Variants in MED27 observed in about 807,000 individuals in gnomAD.
The protein encoded by MED27 is mediator of RNA polymerase II transcription subunit 27.
Under a neutral mutation model 38.2 loss-of-function variants are expected in MED27, and 30 were observed. The observed-to-expected ratio is 0.79, with a 90% confidence interval of 0.59 to 1.07. The LOEUF is 1.07. Among genes scored for constraint, MED27 ranks in the 50% least tolerant of loss-of-function variants. The pLI is 0.00. For missense variants in MED27, 289 were observed against 397.5 expected, an observed-to-expected ratio of 0.73 and a Z score of 2.32; for synonymous variants, 122 against 153.5, an observed-to-expected ratio of 0.79 and a Z score of 1.52.
At chr9:131,909,847 CTTT>C in intron 4 of MED27, among the ~76,000 whole-genome samples, 1 of 152,256 alleles carries the variant, frequency 6.6e-6, no homozygotes, top group African/African-American at 2.4e-5. Flanking sequence ...ATACTGAAAA[CTTT>C]TTTATTTTGC....
At chr9:131,974,974 G>A (rs899045535) in intron 3 of MED27, among the ~76,000 whole-genome samples, 3 of 152,032 alleles carry the variant, frequency 2.0e-5, no homozygotes, top group Non-Finnish European at 2.9e-5. Context: ...GTGGGTGTTC[G>A]ATGGAACCTA....
chr9:131,941,817 ATTT>A (rs766438800), intron 3 of MED27, among the ~76,000 whole-genome samples: 18 of 82,508 alleles, frequency 2.2e-4, no homozygotes, highest in East Asian at 9.1e-4. Context: ...ATTCTGCTGA[ATTT>A]TTTTTTTTTT....
chr9:132,047,700 T>C (rs1427877050), intron 2 of MED27, among the ~76,000 whole-genome samples: 2 of 152,144 alleles, frequency 1.3e-5, no homozygotes, highest in Non-Finnish European at 2.9e-5. Context: ...TATGAGAAAT[T>C]ATAGTGCATG....
intron 3 of MED27, among the ~76,000 whole-genome samples, chr9:131,967,573 C>T (rs975698973): frequency 8.6e-5 from 13 of 151,644 alleles, no homozygotes; most frequent in Admixed American, 2.0e-4. Flanking sequence ...CTCACTGCAA[C>T]CTCGGCCTCC....
chr9:132,066,790 G>A (rs964342218), intron 2 of MED27, among the ~76,000 whole-genome samples: 26 of 152,212 alleles, frequency 1.7e-4, no homozygotes, highest in African/African-American at 5.1e-4. Context: ...CTGAGCCAGC[G>A]CAGAGGATCC....
intron 2 of MED27, among the ~76,000 whole-genome samples, chr9:132,048,166 C>T (rs1184576412): frequency 1.3e-5 from 2 of 152,096 alleles, no homozygotes; most frequent in Non-Finnish European, 2.9e-5. Flanking sequence ...ATTAACCATC[C>T]CCTACAAAAT....
intron 3 of MED27, among the ~76,000 whole-genome samples, chr9:131,995,341 G>A (rs917219021): frequency 9.9e-5 from 15 of 151,844 alleles, no homozygotes; most frequent in Non-Finnish European, 1.8e-4. Flanking sequence ...TGGCCACAGT[G>A]ACAGAAACGG....
chr9:131,919,642 C>G (rs946040077), intron 4 of MED27, among the ~76,000 whole-genome samples: 1 of 151,946 alleles, frequency 6.6e-6, no homozygotes, highest in African/African-American at 2.4e-5. Flanking sequence ...TACAACAGTG[C>G]GGATAAAGAC....
intron 3 of MED27, among the ~76,000 whole-genome samples, chr9:131,987,763 C>G (rs796750690): frequency 6.6e-6 from 1 of 151,168 alleles, no homozygotes; most frequent in Non-Finnish European, 1.5e-5. Flanking sequence ...AAGAATTATG[C>G]GTGAAACTGG....
chr9:131,870,735 G>A (rs1564261374), intron 6 of MED27, among the ~76,000 whole-genome samples: 1 of 152,098 alleles, frequency 6.6e-6, no homozygotes, highest in South Asian at 2.1e-4. Flanking sequence ...TTTGAGGGTG[G>A]AGATGGGATT....
intron 3 of MED27, among the ~76,000 whole-genome samples, chr9:131,970,145 T>G (rs975961667): frequency 6.6e-6 from 1 of 152,240 alleles, no homozygotes. Flanking sequence ...AGGGTGTGCA[T>G]GCAGATGCCC....
At chr9:131,903,753 T>C (rs1489393290) in intron 4 of MED27, among the ~76,000 whole-genome samples, 7 of 152,150 alleles carry the variant, frequency 4.6e-5, no homozygotes, top group Non-Finnish European at 7.4e-5. Flanking sequence ...TTAGAGACAG[T>C]GTCTCACTCT....
At chr9:132,017,625 G>A (rs961744407) in intron 2 of MED27, among the ~76,000 whole-genome samples, 1 of 152,210 alleles carries the variant, frequency 6.6e-6, no homozygotes, top group Non-Finnish European at 1.5e-5. Flanking sequence ...CTGAGTTGGA[G>A]GGGAAGGTTC....
Position 131,861,464 on chromosome 9 carries a change from T to G in MED27, c.802-792A>C, listed in dbSNP as rs1055789210. 6.6e-6 allele frequency among the ~76,000 whole-genome samples: 1 copy of G among 152,196 alleles called. No individual in the cohort carries two copies. The highest frequency in any genetic ancestry group is 2.4e-5 in the African/African-American group (1 of 41,438). ...AAGAGAAAACTGTTATTTGAAGAGG[T>G]TGGCCGAGCTTATTGATACACATTC... On this transcript the variant is annotated intron_variant, in intron 7 of 7. Coordinates refer to ENST00000292035, the MANE Select transcript of MED27 (RefSeq NM_004269.4). The surrounding 1 kb of genome is among the most constrained non-coding windows in gnomAD (Gnocchi z 4.4).
At chr9:131,971,920 G>A (rs531328772) in intron 3 of MED27, among the ~76,000 whole-genome samples, 17 of 152,218 alleles carry the variant, frequency 1.1e-4, no homozygotes, top group South Asian at 4.2e-4. Flanking sequence ...TTACATGTGT[G>A]GTCACTGAGG....
intron 2 of MED27, among the ~76,000 whole-genome samples, chr9:132,059,726 C>A (rs1261014624): frequency 6.6e-6 from 1 of 152,200 alleles, no homozygotes; most frequent in East Asian, 1.9e-4. Flanking sequence ...TGCCCAAAAC[C>A]CAGCTGAAGA....
chr9:132,072,730 T>C (rs527332571), intron 2 of MED27, among the ~76,000 whole-genome samples: 1 of 152,188 alleles, frequency 6.6e-6, no homozygotes, highest in African/African-American at 2.4e-5. Context: ...TTCAGAAGGG[T>C]GCTCAATCCT....
At chr9:132,004,134 T>C (rs1027103410) in intron 3 of MED27, among the ~76,000 whole-genome samples, 10 of 152,226 alleles carry the variant, frequency 6.6e-5, no homozygotes, top group African/African-American at 1.9e-4. Flanking sequence ...TCAGTTCTCC[T>C]GTCCGCCTAA....
chr9:131,980,528 A>G (rs1831711032), intron 3 of MED27, among the ~76,000 whole-genome samples: 1 of 152,174 alleles, frequency 6.6e-6, no homozygotes, highest in South Asian at 2.1e-4. Flanking sequence ...ATGGGACCTT[A>G]GGGCAAAAAG....
Sources: allele counts gnomAD v4.1 joint callset (sites outside exome capture counted in the v4.1 genomes callset), GRCh38; gene constraint gnomAD v4.1.1; non-coding constraint Gnocchi (gnomAD v3.1); transcripts MANE v1.5; gene names NCBI Gene and HGNC (gene_info 2026-07-23, HGNC 2026-07-21).